Variants in PRDM15 observed in about 807,000 individuals in gnomAD.
PRDM15 encodes PR domain zinc finger protein 15.
In PRDM15, 64 loss-of-function variants were observed where a neutral mutation model predicts 128.6. That is an observed-to-expected ratio of 0.50 (90% CI 0.41 to 0.61). The LOEUF (loss-of-function observed/expected upper bound fraction) is 0.61. Ranked by LOEUF, PRDM15 falls within the 20% of genes least tolerant of loss-of-function variation. The pLI is 0.00. For synonymous variants in PRDM15, 615 were observed against 621.8 expected (o/e 0.99, Z 0.16); for missense variants, 1,242 against 1,569.1 (o/e 0.79, Z 3.52).
chr21:41,849,976 T>A (rs1444092996), intron 5 of PRDM15, among the ~76,000 whole-genome samples: 3 of 152,096 alleles, frequency 2.0e-5, no homozygotes, highest in Non-Finnish European at 4.4e-5. Flanking sequence ...TACTAGAAAA[T>A]GCGAATCAAA....
chr21:41,855,753 C>G (rs187925330), intron 4 of PRDM15, among the ~76,000 whole-genome samples: 1 of 152,208 alleles, frequency 6.6e-6, no homozygotes, highest in Non-Finnish European at 1.5e-5. Context: ...AAAGGGGCCT[C>G]GCCCCCAACC....
chr21:41,857,247 G>T lies in PRDM15; in HGVS notation c.214C>A (p.Arg72=). The change falls in exon 4 of 24, where the codon CGG becomes AGG. Residue 72 remains arginine, a synonymous_variant. Transcript: ENST00000398548. ...GACTCAAAGGGACCGAACTGTGTCC[G>T]CTTGACGAGCTGAGTGATGGCGAAC... ...GVFAITQLVK[R]TQFGPFESRR... is the part of the protein sequence containing the mutation. 1 of 1,613,854 alleles carries T rather than the reference G, an allele frequency of 6.2e-7. No individual in the cohort carries two copies. The highest frequency in any genetic ancestry group is 2.2e-5 in the East Asian group (1 of 44,880).
chr21:41,820,146 G>C lies in PRDM15; in HGVS notation c.2089C>G (p.Arg697Gly), dbSNP rs767203522. 6.2e-7 allele frequency: 1 copy of C among 1,613,764 alleles called. No individual in the cohort carries two copies. Among genetic ancestry groups the C allele is most frequent in the Non-Finnish European group, 8.5e-7 (1 of 1,179,870 alleles). Residue 697 changes from arginine to glycine, a missense_variant, in exon 17 of 24, where the codon CGG (arginine) becomes GGG (glycine). Coordinates refer to ENST00000398548, the MANE Select transcript of PRDM15 (RefSeq NM_001040424.3). ...AGGTTCCCGATGCTGTTGAAGATCC[G>C]CCCGCAGATCTCGCAGGGGTGGATG... ...KYIHPCEICG[R>G]IFNSIGNLER... is the part of the protein sequence containing the mutation.
chr21:41,862,016 G>A lies in PRDM15; in HGVS notation c.-9-1644C>T. 1 of 1,606,806 alleles carries A rather than the reference G, an allele frequency of 6.2e-7. No individual in the cohort carries two copies. The highest frequency in any genetic ancestry group is 8.5e-7 in the Non-Finnish European group (1 of 1,174,966). Reference sequence around the variant, plus strand: ...CTTGCCTGCCCCAGTTCCTGTGGATGGGCACCTCGGCGCAAATAGGGACCA... The same window carrying A: ...CTTGCCTGCCCCAGTTCCTGTGGATAGGCACCTCGGCGCAAATAGGGACCA... On this transcript the variant is annotated intron_variant, in intron 1 of 23. Coordinates refer to ENST00000398548, the MANE Select transcript of PRDM15 (RefSeq NM_001040424.3). The surrounding 1 kb of genome is among the most constrained non-coding windows in gnomAD (Gnocchi z 4.1).
chr21:41,803,886 A>C (rs2061485649), intron 22 of PRDM15, among the ~76,000 whole-genome samples: 1 of 152,182 alleles, frequency 6.6e-6, no homozygotes, highest in Non-Finnish European at 1.5e-5. Context: ...ATTAACTAAA[A>C]ATTTCTTTAA....
chr21:41,874,502 C>CATATATAT (rs756151491), intron 1 of PRDM15, among the ~76,000 whole-genome samples: 6 of 118,658 alleles, frequency 5.1e-5, no homozygotes, highest in South Asian at 2.9e-4. Flanking sequence ...AAGCAGCATG[C>CATATATAT]ATATATATAT....
intron 11 of PRDM15, among the ~76,000 whole-genome samples, chr21:41,835,025 C>T (rs753854295): frequency 6.6e-6 from 1 of 152,212 alleles, no homozygotes; most frequent in African/African-American, 2.4e-5. Flanking sequence ...GAGGAGGGCT[C>T]GCGGTTAGGA....
rs1421250580 is a variant in PRDM15, at chr21:41,879,265, T to G, written c.-10+5A>C. 2 of 1,025,708 alleles carry G rather than the reference T, an allele frequency of 1.9e-6. No homozygotes were observed. The highest frequency in any genetic ancestry group is 2.4e-6 in the Non-Finnish European group (2 of 845,688). 63.5% of individuals were successfully genotyped at this position (1,025,708 alleles called of 1,614,324 possible). On this transcript the variant is annotated splice_donor_5th_base_variant and intron_variant, in intron 1 of 23. Transcript: ENST00000398548. The surrounding 1 kb of genome is among the most constrained non-coding windows in gnomAD (Gnocchi z 5.1). ...GGGCGGCGGGCGCAGGGCCCGGAGC[T>G]TTACCTGCCTTTGGAATGTGCAGAG...
chr21:41,853,829 A>C (rs1458255684), intron 5 of PRDM15, among the ~76,000 whole-genome samples: 11 of 152,228 alleles, frequency 7.2e-5, no homozygotes, highest in Non-Finnish European at 1.6e-4. Context: ...GGAGGAGGCC[A>C]TTGCACGGTG....
Position 41,810,697 on chromosome 21 carries a change from A to C in PRDM15, c.2476+56T>G. ...TTTCCACCCCAGCAGGCACTCAGACAGCCCCGGCAGCCTGCCGCGTGCGCC... is the reference window on the plus strand; with the variant it reads ...TTTCCACCCCAGCAGGCACTCAGACCGCCCCGGCAGCCTGCCGCGTGCGCC... On this transcript the variant is annotated intron_variant, in intron 20 of 23. Coordinates refer to ENST00000398548, the MANE Select transcript of PRDM15 (RefSeq NM_001040424.3). This position sits in a 1 kb window ranked among gnomAD's most constrained non-coding sequence, Gnocchi z 6.4. 1 of 1,385,550 alleles carries C rather than the reference A, an allele frequency of 7.2e-7. No homozygotes were observed. 85.8% of individuals were successfully genotyped at this position (1,385,550 alleles called of 1,614,324 possible). A position where few individuals can be genotyped will look rare whatever the true frequency, so the allele number is the denominator to read the frequency against.
chr21:41,819,237 C>G (rs1223442480), intron 18 of PRDM15, among the ~76,000 whole-genome samples: 1 of 152,230 alleles, frequency 6.6e-6, no homozygotes, highest in Non-Finnish European at 1.5e-5. Flanking sequence ...GCCTCTCGCA[C>G]TATGGTAGAT....
At chr21:41,868,695 T>TTTC (rs1317397616) in intron 1 of PRDM15, among the ~76,000 whole-genome samples, 275 of 22,064 alleles carry the variant, frequency 0.012, 6 homozygotes, top group African/African-American at 0.036. Context: ...TTTCTTTTTC[T>TTTC]TTTTTTTTTT....
At chr21:41,833,758 G>C (rs991917519) in intron 11 of PRDM15, among the ~76,000 whole-genome samples, 3 of 152,202 alleles carry the variant, frequency 2.0e-5, no homozygotes, top group Non-Finnish European at 2.9e-5. Context: ...ACCTCTGGCT[G>C]ACAGGAAGCT....
chr21:41,821,165 A>G lies in PRDM15; in HGVS notation c.1962T>C (p.Tyr654=), dbSNP rs756640830. ...AGCGCCGGTTGCAGATGCTGCAGCC[A>G]TAGCCCTTCTCCTTGTGCACCTCCA... ...HIMEVHKEKG[Y]GCSICNRRFA... is the part of the protein sequence containing the mutation. Residue 654 remains tyrosine, a synonymous_variant, in exon 16 of 24, where the codon TAT becomes TAC. Coordinates refer to ENST00000398548, the MANE Select transcript of PRDM15 (RefSeq NM_001040424.3). The surrounding 1 kb of genome is among the most constrained non-coding windows in gnomAD (Gnocchi z 5.4). 1.2e-6 allele frequency: 2 copies of G among 1,614,226 alleles called. No individual in the cohort carries two copies. Among genetic ancestry groups the G allele is most frequent in the Non-Finnish European group, 1.7e-6 (2 of 1,180,020 alleles).
At chr21:41,842,704 T>C (rs1224685259) in intron 6 of PRDM15, among the ~76,000 whole-genome samples, 2 of 151,966 alleles carry the variant, frequency 1.3e-5, no homozygotes, top group African/African-American at 4.8e-5. Flanking sequence ...TTGGCCAGGA[T>C]GGTCTTGATC....
Position 41,820,679 on chromosome 21 carries a change from C to T in PRDM15, c.2060+388G>A, listed in dbSNP as rs575597485. ...TGCCGGCTGTGGTTCTTTGTTAGCGCCCCTGCACGGGACTGTTTAGTCACT... is the reference window on the plus strand; with the variant it reads ...TGCCGGCTGTGGTTCTTTGTTAGCGTCCCTGCACGGGACTGTTTAGTCACT... On this transcript the variant is annotated intron_variant, in intron 16 of 23. Coordinates refer to ENST00000398548, the MANE Select transcript of PRDM15 (RefSeq NM_001040424.3). Among the ~76,000 whole-genome samples the T allele has an allele frequency of 1.4e-4, 21 of 152,358 alleles. No individual in the cohort carries two copies. In the South Asian group the frequency reaches 3.9e-3, roughly 29 times the overall value.
intron 1 of PRDM15, among the ~76,000 whole-genome samples, chr21:41,864,677 T>C (rs1177822689): frequency 6.6e-6 from 1 of 152,088 alleles, no homozygotes; most frequent in African/African-American, 2.4e-5. Flanking sequence ...CCTGTAAGGC[T>C]GCAAAGGGTC....
intron 1 of PRDM15, among the ~76,000 whole-genome samples, chr21:41,865,767 C>G (rs9975406): frequency 0.61 from 93,273 of 152,010 alleles, 28,843 homozygotes; most frequent in African/African-American, 0.66. Context: ...TTTATTTTGA[C>G]ACAGTCTTGC....
At chr21:41,869,851 A>T (rs2064149680) in intron 1 of PRDM15, among the ~76,000 whole-genome samples, 1 of 152,234 alleles carries the variant, frequency 6.6e-6, no homozygotes, top group African/African-American at 2.4e-5. Context: ...TTTTGTCTAC[A>T]ACGCCCCATG....
Sources: allele counts gnomAD v4.1 joint callset (sites outside exome capture counted in the v4.1 genomes callset), GRCh38; gene constraint gnomAD v4.1.1; non-coding constraint Gnocchi (gnomAD v3.1); transcripts MANE v1.5; gene names NCBI Gene and HGNC (gene_info 2026-07-23, HGNC 2026-07-21).